Variants in AGFG2 observed in about 807,000 individuals in gnomAD.
AGFG2 encodes ArfGAP with FG repeats 2.
A neutral mutation model predicts 48.0 loss-of-function variants in AGFG2; 31 were observed. That is an observed-to-expected ratio of 0.65 (90% CI 0.49 to 0.87). AGFG2 has a LOEUF of 0.87. AGFG2 is among the 40% of genes least tolerant of loss of function. The probability of loss-of-function intolerance (pLI) is 0.00; values close to 1 mark genes in which losing one functional copy is unlikely to be tolerated. For missense variants in AGFG2, 599 were observed against 632.6 expected, an observed-to-expected ratio of 0.95 and a Z score of 0.57; for synonymous variants, 229 against 260.8, an observed-to-expected ratio of 0.88 and a Z score of 1.18.
In AGFG2 at chr7:100,565,284, T is replaced by C; in HGVS notation, c.*293T>C. 1 of 491,056 alleles carries C rather than the reference T, an allele frequency of 2.0e-6. No individual in the cohort carries two copies. Among genetic ancestry groups the C allele is most frequent in the Admixed American group, 3.4e-5 (1 of 29,678 alleles). The allele number at this position is 491,056 out of a possible 1,614,324, so 30.4% of individuals were successfully genotyped here. A position where few individuals can be genotyped will look rare whatever the true frequency, so the allele number is the denominator to read the frequency against. On this transcript the variant is annotated 3_prime_UTR_variant, in exon 12 of 12. Coordinates refer to ENST00000300176, the MANE Select transcript of AGFG2 (RefSeq NM_006076.5). Reference sequence around the variant, plus strand: ...GATTTTTTTCAAATGATCAGTCCCCTGTGGAACAGCTCTTCCCTGGGCCTA... The same window carrying C: ...GATTTTTTTCAAATGATCAGTCCCCCGTGGAACAGCTCTTCCCTGGGCCTA...
At chr7:100,563,315 A>G (rs1303232228) in intron 9 of AGFG2, among the ~76,000 whole-genome samples, 1 of 151,592 alleles carries the variant, frequency 6.6e-6, no homozygotes, top group Non-Finnish European at 1.5e-5. Flanking sequence ...GCTTCCATCA[A>G]CTCCAGGCCT....
At chr7:100,542,903 A>G (rs926094173) in intron 1 of AGFG2, among the ~76,000 whole-genome samples, 2 of 152,170 alleles carry the variant, frequency 1.3e-5, no homozygotes, top group African/African-American at 4.8e-5. Context: ...TACTGGAGAT[A>G]CAGTAGTGAT....
chr7:100,543,608 C>T (rs1800463013), intron 1 of AGFG2, among the ~76,000 whole-genome samples: 1 of 152,176 alleles, frequency 6.6e-6, no homozygotes, highest in South Asian at 2.1e-4. Flanking sequence ...TTGATGGTTC[C>T]AGCCAAAGTT....
Position 100,555,707 on chromosome 7 carries a change from C to T in AGFG2, c.849C>T (p.Ala283=), listed in dbSNP as rs201153070. ...GAAGCCTCCCTCCAGCTGGTCAAGC[C>T]TCGTTCCAGGCCCAGCCAACTCCTG... ...VFGSLPPAGQ[A]SFQAQPTPAG... is the part of the protein sequence containing the mutation. The change falls in exon 6 of 12, where the codon GCC becomes GCT. Residue 283 remains alanine, a synonymous_variant. Transcript: ENST00000300176. The T allele has an allele frequency of 6.2e-7, 1 of 1,614,150 alleles. No homozygotes were observed. Among genetic ancestry groups the T allele is most frequent in the East Asian group, 2.2e-5 (1 of 44,878 alleles).
At chr7:100,540,474 T>G (rs993168136) in intron 1 of AGFG2, among the ~76,000 whole-genome samples, 2 of 152,144 alleles carry the variant, frequency 1.3e-5, no homozygotes, top group African/African-American at 2.4e-5. Flanking sequence ...ATTGGTACTG[T>G]TCGGTCATGC....
intron 6 of AGFG2, chr7:100,556,110 G>T (rs925753821): frequency 1.5e-5 from 3 of 202,726 alleles, no homozygotes; most frequent in African/African-American, 6.9e-5. Context: ...GGTCAAGGTA[G>T]TCTCCAGAAG....
At chr7:100,564,343 G>T (rs1424259785) in intron 11 of AGFG2, 40 bp downstream of exon 11, 1 of 1,581,900 alleles carries the variant, frequency 6.3e-7, no homozygotes, top group Non-Finnish European at 8.6e-7. Context: ...GGGCTCGTGG[G>T]CTTTCCCTCT....
intron 1 of AGFG2, among the ~76,000 whole-genome samples, chr7:100,547,662 C>G (rs1800539325): frequency 6.6e-6 from 1 of 152,164 alleles, no homozygotes; most frequent in Non-Finnish European, 1.5e-5. Context: ...GCCTTCTCTT[C>G]TCTTATAATC....
chr7:100,548,825 A>G lies in AGFG2; in HGVS notation c.225A>G (p.Arg75=), dbSNP rs1254128946. ...FVCTTCSGLL[R]GLNPPHRVKS... ...TCTTCCTGTTTCTCTCCCATAGGAG[A>G]GGGCTGAACCCCCCTCATCGTGTCA... Residue 75 remains arginine (R), a synonymous_variant, in exon 2 of 12, where the codon AGA becomes AGG. Transcript: ENST00000300176. The G allele has an allele frequency of 6.2e-7, 1 of 1,611,590 alleles. No individual in the cohort carries two copies. Among genetic ancestry groups the G allele is most frequent in the Non-Finnish European group, 8.5e-7 (1 of 1,178,062 alleles).
intron 6 of AGFG2, among the ~76,000 whole-genome samples, chr7:100,558,095 TAGC>T (rs1354856042): frequency 6.6e-6 from 1 of 151,980 alleles, no homozygotes. Context: ...GCGCCTGTAA[TAGC>T]AGCTACTTGG....
Position 100,554,243 on chromosome 7 carries a change from T to C in AGFG2, c.736T>C (p.Phe246Leu). 1 of 1,613,004 alleles carries C rather than the reference T, an allele frequency of 6.2e-7. No homozygotes were observed. The stretch of plus-strand genomic sequence containing the variant: ...CCAGATGGCACCAGCTTTTGCTGCA[T>C]TCCCTGCCTTTGGGGGTAAGTGGGT... ...APQMAPAFAA[F>L]PAFGGQTPSQ... is the part of the protein sequence containing the mutation. Residue 246 changes from phenylalanine (F) to leucine (L), a missense_variant, in exon 5 of 12, where the codon TTC becomes CTC. Coordinates refer to ENST00000300176, the MANE Select transcript of AGFG2 (RefSeq NM_006076.5).
chr7:100,564,186 G>A, intron 10 of AGFG2, 32 bp from the exon 11 acceptor site: 2 of 1,596,808 alleles, frequency 1.3e-6, no homozygotes, highest in Non-Finnish European at 1.7e-6. Context: ...AGGCAGGCTG[G>A]TGTCAGCTGA....
chr7:100,557,350 T>C (rs1020533219), intron 6 of AGFG2, among the ~76,000 whole-genome samples: 29 of 152,332 alleles, frequency 1.9e-4, no homozygotes, highest in African/African-American at 6.7e-4. Context: ...TATAATATGC[T>C]TTCCCACATG....
chr7:100,554,044 G>T, intron 4 of AGFG2, 49 bp from the exon 5 acceptor site: 2 of 1,573,446 alleles, frequency 1.3e-6, no homozygotes, highest in Non-Finnish European at 1.7e-6. Flanking sequence ...AGGAGGGCCT[G>T]GGGCATGTCT....
intron 6 of AGFG2, among the ~76,000 whole-genome samples, chr7:100,560,808 C>CTTTTTTTT (rs66837050): frequency 1.2e-4 from 13 of 112,836 alleles, no homozygotes; most frequent in Admixed American, 2.8e-4. Flanking sequence ...GAAGATCTCC[C>CTTTTTTTT]TTTTTTTTTT....
intron 9 of AGFG2, among the ~76,000 whole-genome samples, chr7:100,563,208 CTG>C (rs1434624332): frequency 6.6e-6 from 1 of 152,226 alleles, no homozygotes. Flanking sequence ...AGCGATTCTC[CTG>C]TCTCCAGCCC....
In AGFG2 at chr7:100,562,725, CAGG is replaced by C. The variant is rs1800905430; in HGVS notation, c.1087+49_1087+51del. On this transcript the variant is annotated intron_variant, in intron 8 of 11. Transcript: ENST00000300176. This position sits in a 1 kb window ranked among gnomAD's most constrained non-coding sequence, Gnocchi z 5.4. Reference sequence around the variant, plus strand: ...AGACCCAGGGGAGGGGACCTGAGGCCAGGAGGAGTCTAAGGACTCTGGACAGGG... The same window carrying C: ...AGACCCAGGGGAGGGGACCTGAGGCCAGGAGTCTAAGGACTCTGGACAGGG... 1 of 1,593,730 alleles carries C rather than the reference CAGG, an allele frequency of 6.3e-7. No homozygotes were observed. Among genetic ancestry groups the C allele is most frequent in the Non-Finnish European group, 8.5e-7 (1 of 1,171,338 alleles).
chr7:100,552,572 G>T (rs540539489), intron 3 of AGFG2, among the ~76,000 whole-genome samples: 6 of 152,304 alleles, frequency 3.9e-5, no homozygotes, highest in African/African-American at 1.4e-4. Flanking sequence ...GATCTCTGGG[G>T]TGTGTACATG....
Position 100,562,620 on chromosome 7 carries a change from C to T in AGFG2, c.1025C>T (p.Pro342Leu), listed in dbSNP as rs760540442. The change falls in exon 8 of 12, where the codon CCC becomes CTC. Residue 342 changes from proline (P) to leucine (L), a missense_variant. Physicochemically the swap from Pro to Leu is moderately conservative, Grantham distance 98 (BLOSUM62 -3). Coordinates refer to ENST00000300176, the MANE Select transcript of AGFG2 (RefSeq NM_006076.5). The surrounding 1 kb of genome is among the most constrained non-coding windows in gnomAD (Gnocchi z 5.4). ...CTCTTCGGGATGGCTGGCCAGGTCC[C>T]CCCGCTCCAGTCTGTCACGATGGGC... is the stretch of plus-strand genomic sequence containing the variant. ...SSLFGMAGQV[P>L]PLQSVTMGGG... 1.9e-6 allele frequency: 3 copies of T among 1,612,750 alleles called. No individual in the cohort carries two copies. The South Asian group carries it at 3.3e-5, about 18-fold the overall frequency.
Sources: allele counts gnomAD v4.1 joint callset (sites outside exome capture counted in the v4.1 genomes callset), GRCh38; gene constraint gnomAD v4.1.1; non-coding constraint Gnocchi (gnomAD v3.1); transcripts MANE v1.5; gene names NCBI Gene and HGNC (gene_info 2026-07-23, HGNC 2026-07-21).